The following LUZP1 variants were observed in gnomAD, a reference collection of about 807,000 sequenced individuals.
LUZP1 encodes the protein filamin mechanobinding actin cross-linking protein.
A neutral mutation model predicts 71.3 loss-of-function variants in LUZP1; 25 were observed. The ratio of observed to expected loss-of-function variants is 0.35; its 90% CI spans 0.26 to 0.49. The LOEUF is 0.49. Ranked by LOEUF, LUZP1 falls within the 20% of genes least tolerant of loss-of-function variation. The pLI, the probability that LUZP1 is intolerant of heterozygous loss-of-function variation, is 0.99. For synonymous variants in LUZP1, 481 were observed against 506.4 expected, an observed-to-expected ratio of 0.95 and a Z score of 0.67; for missense variants, 1,142 against 1,300.8, an observed-to-expected ratio of 0.88 and a Z score of 1.88.
chr1:23,176,422 T>C (rs1256582946), intron 1 of LUZP1, among the ~76,000 whole-genome samples: 3 of 152,202 alleles, frequency 2.0e-5, no homozygotes, highest in Non-Finnish European at 4.4e-5. Flanking sequence ...AAATGAATGC[T>C]CTAAAGCAAT....
At chr1:23,118,696 T>G (rs1644106068) in intron 2 of LUZP1, among the ~76,000 whole-genome samples, 1 of 152,222 alleles carries the variant, frequency 6.6e-6, no homozygotes, top group South Asian at 2.1e-4. Flanking sequence ...TCTACAATAC[T>G]CTATTTCTGT....
At chr1:23,122,133 CTT>C (rs911632732) in intron 2 of LUZP1, among the ~76,000 whole-genome samples, 5 of 152,254 alleles carry the variant, frequency 3.3e-5, no homozygotes, top group South Asian at 2.1e-4. Flanking sequence ...CCAAAAGACA[CTT>C]AACACCTACA....
In LUZP1 at chr1:23,141,618, A is replaced by T. The variant is rs559286122; in HGVS notation, c.-226+27148T>A. On this transcript the variant is annotated intron_variant, in intron 2 of 4. Transcript: ENST00000302291. Reference sequence around the variant, plus strand: ...CCTCTGCCACATGGGCCACCAAAGCACTACAGGCCAAGCAGGGAGATCTCA... The same window carrying T: ...CCTCTGCCACATGGGCCACCAAAGCTCTACAGGCCAAGCAGGGAGATCTCA... 5.3e-4 allele frequency among the ~76,000 whole-genome samples: 81 copies of T among 152,306 alleles called. No individual in the cohort carries two copies. The South Asian group carries it at 8.9e-3, about 17-fold the overall frequency.
At chr1:23,154,709 A>ATTTTTTTTTTT (rs1191570803) in intron 2 of LUZP1, among the ~76,000 whole-genome samples, 9 of 125,630 alleles carry the variant, frequency 7.2e-5, no homozygotes, top group African/African-American at 2.8e-4. Flanking sequence ...CACCTGGCTA[A>ATTTTTTTTTTT]TTTTTTTTTT....
chr1:23,149,757 A>G (rs1381474676), intron 2 of LUZP1, among the ~76,000 whole-genome samples: 2 of 152,002 alleles, frequency 1.3e-5, no homozygotes, highest in African/African-American at 4.8e-5. Flanking sequence ...AGGTCACGAG[A>G]TCGAGATCAG....
At chr1:23,139,045 TACACACATC>T (rs1644282658) in intron 2 of LUZP1, among the ~76,000 whole-genome samples, 2 of 119,724 alleles carry the variant, frequency 1.7e-5, no homozygotes, top group Non-Finnish European at 1.7e-5. Context: ...TATATATATA[TACACACATC>T]ATATGTATAT....
intron 3 of LUZP1, among the ~76,000 whole-genome samples, chr1:23,103,871 G>A (rs1209775153): frequency 6.0e-3 from 51 of 8,552 alleles, no homozygotes; most frequent in African/African-American, 0.013. Context: ...AGGGAGGGAG[G>A]GAGGGAGGGA....
At chr1:23,152,422 T>C (rs558885328) in intron 2 of LUZP1, among the ~76,000 whole-genome samples, 2 of 152,310 alleles carry the variant, frequency 1.3e-5, no homozygotes, top group Admixed American at 1.3e-4. Context: ...TGAAAAAGCA[T>C]ATGGATATAA....
chr1:23,114,333 C>T (rs1389458441), intron 2 of LUZP1, among the ~76,000 whole-genome samples: 3 of 152,062 alleles, frequency 2.0e-5, no homozygotes, highest in Non-Finnish European at 2.9e-5. Flanking sequence ...AGGAAAAAAG[C>T]CAGGAAGGAT....
intron 2 of LUZP1, among the ~76,000 whole-genome samples, chr1:23,124,332 C>T (rs1644153859): frequency 6.6e-6 from 1 of 152,110 alleles, no homozygotes; most frequent in African/African-American, 2.4e-5. Context: ...GGACCTAGGA[C>T]CTAAGTGGCC....
chr1:23,172,411 TGCTTTGGGTG>T (rs947923897), intron 1 of LUZP1, among the ~76,000 whole-genome samples: 1 of 152,018 alleles, frequency 6.6e-6, no homozygotes, highest in African/African-American at 2.4e-5. Flanking sequence ...GTAATCCCAG[TGCTTTGGGTG>T]GCCAAGGTGG....
At chr1:23,148,883 AAGACC>A (rs59111787) in intron 2 of LUZP1, among the ~76,000 whole-genome samples, 25,664 of 151,524 alleles carry the variant, frequency 0.17, 2,209 homozygotes, top group East Asian at 0.26. Context: ...CCAGGAGTTC[AAGACC>A]AGCCTAGGAA....
chr1:23,176,584 A>C (rs1239214092), intron 1 of LUZP1, among the ~76,000 whole-genome samples: 3 of 152,226 alleles, frequency 2.0e-5, no homozygotes, highest in African/African-American at 7.2e-5. Flanking sequence ...GCCCAGGTTT[A>C]GAATTCATTC....
intron 2 of LUZP1, among the ~76,000 whole-genome samples, chr1:23,116,883 T>A (rs1446900101): frequency 6.6e-6 from 1 of 152,180 alleles, no homozygotes; most frequent in Admixed American, 6.5e-5. Flanking sequence ...ATCTAGAAGT[T>A]TTTTGTTTTA....
At chr1:23,160,223 GA>G (rs923187189) in intron 2 of LUZP1, among the ~76,000 whole-genome samples, 2 of 152,142 alleles carry the variant, frequency 1.3e-5, no homozygotes, top group African/African-American at 4.8e-5. Flanking sequence ...TTTAACACAA[GA>G]GGAAGAGTAA....
chr1:23,140,296 CTACACATATTACACATATGTAA>C (rs1029177699), intron 2 of LUZP1: 5 of 152,008 alleles, frequency 3.3e-5, no homozygotes, highest in African/African-American at 7.3e-5. Flanking sequence ...AGAAAGGGTA[CTACACATATTACACATATGTAA>C]TACACATATT....
At chr1:23,117,454 C>CTCT (rs1491549231) in intron 2 of LUZP1, among the ~76,000 whole-genome samples, 1 of 13,362 alleles carries the variant, frequency 7.5e-5, no homozygotes, top group Non-Finnish European at 1.1e-4. Flanking sequence ...TTTTTTTTTT[C>CTCT]CTCTCTCTCT....
exon 4 of LUZP1, chr1:23,092,947 C>T (rs762340692): frequency 3.1e-6 from 5 of 1,614,156 alleles, no homozygotes; most frequent in Admixed American, 1.7e-5. Context: ...TCTGTACTCA[C>T]CCCCATGTGA....
At chr1:23,104,350 AATTTTTCT>A (rs1643962595) in intron 3 of LUZP1, among the ~76,000 whole-genome samples, 1 of 150,870 alleles carries the variant, frequency 6.6e-6, no homozygotes, top group African/African-American at 2.4e-5. Flanking sequence ...ACGCCCAGCT[AATTTTTCT>A]ATTTTTAGTA....
Sources: gnomAD v4.1 joint callset for allele counts (sites outside exome capture counted in the v4.1 genomes callset) on GRCh38, gnomAD v4.1.1 for gene constraint, MANE v1.5 for transcripts, NCBI Gene and HGNC (gene_info 2026-07-23, HGNC 2026-07-21) for gene names.